Variants in ZNF831 observed in about 807,000 individuals in gnomAD.
The protein encoded by ZNF831 is zinc finger protein 831.
Under a neutral mutation model 95.8 loss-of-function variants are expected in ZNF831, and 59 were observed. The observed-to-expected ratio is 0.62, with a 90% CI of 0.50 to 0.77. ZNF831 has a LOEUF of 0.77. Among genes scored for constraint, ZNF831 ranks in the 30% least tolerant of loss-of-function variants. The probability of loss-of-function intolerance (pLI) is 0.00; values close to 1 mark genes in which losing one functional copy is unlikely to be tolerated. For synonymous variants in ZNF831, 961 were observed against 925.5 expected (o/e 1.04, Z -0.70); for missense variants, 2,205 against 2,164.0 (o/e 1.02, Z -0.38).
In ZNF831 at chr20:59,193,971, G is replaced by C. The variant is rs2146592197; in HGVS notation, c.2952G>C (p.Leu984=). ...EERASFVGSG[L]GTPLSPSPAS... ...GGGCATCATTTGTTGGGTCAGGACT[G>C]GGGACCCCTCTTTCTCCCAGCCCAG... Residue 984 remains leucine, a synonymous_variant, in exon 2 of 6, where the codon CTG becomes CTC. Coordinates refer to ENST00000371030, the MANE Select transcript of ZNF831 (RefSeq NM_178457.3). 6.5e-7 allele frequency: 1 copy of C among 1,546,150 alleles called. No individual in the cohort carries two copies.
chr20:59,229,272 A>G (rs1568783494), intron 4 of ZNF831, among the ~76,000 whole-genome samples: 1 of 152,126 alleles, frequency 6.6e-6, no homozygotes, highest in Non-Finnish European at 1.5e-5. Flanking sequence ...TAAACATGGG[A>G]GTGCAACTAT....
rs952578281 is a variant in ZNF831 at position 59,208,104 on chromosome 20, G to T, written c.4027+1048G>T. 6.6e-6 allele frequency among the ~76,000 whole-genome samples: 1 copy of T among 152,262 alleles called. No individual in the cohort carries two copies. Among genetic ancestry groups the T allele is most frequent in the Non-Finnish European group, 1.5e-5 (1 of 68,054 alleles). ...ACAGTTGGGGCCAGTTGTTGAAGAA[G>T]AAAGGTTGTTTTTGTTAAGGAAGGT... On this transcript the variant is annotated intron_variant, in intron 4 of 5. Coordinates refer to ENST00000371030, the MANE Select transcript of ZNF831 (RefSeq NM_178457.3). The surrounding 1 kb of genome is among the most constrained non-coding windows in gnomAD (Gnocchi z 4.2).
intron 1 of ZNF831, among the ~76,000 whole-genome samples, chr20:59,168,587 T>A (rs1178862263): frequency 6.6e-6 from 1 of 152,082 alleles, no homozygotes; most frequent in African/African-American, 2.4e-5. Flanking sequence ...TTTGTATTTC[T>A]TTCTTGCTTT....
At chr20:59,162,112 TG>T (rs1185156172), upstream of ZNF831, among the ~76,000 whole-genome samples, 1 of 152,156 alleles carries the variant, frequency 6.6e-6, no homozygotes, top group Non-Finnish European at 1.5e-5. Context: ...TTAATGGTTT[TG>T]TTGTTGTTTG....
chr20:59,182,459 T>C (rs2146521467), intron 1 of ZNF831, among the ~76,000 whole-genome samples: 2 of 152,232 alleles, frequency 1.3e-5, no homozygotes, highest in Middle Eastern at 6.8e-3. Flanking sequence ...AGGGGGTAAG[T>C]GGCAAAACCA....
intron 4 of ZNF831, among the ~76,000 whole-genome samples, chr20:59,220,950 G>C (rs1182323500): frequency 6.6e-6 from 1 of 152,126 alleles, no homozygotes; most frequent in Non-Finnish European, 1.5e-5. Context: ...TGTAGAATGG[G>C]GCTGGAGTTT....
chr20:59,213,232 G>A (rs572623111), intron 4 of ZNF831, among the ~76,000 whole-genome samples: 138 of 152,236 alleles, frequency 9.1e-4, no homozygotes, highest in African/African-American at 3.1e-3. Flanking sequence ...ACTTGACTAC[G>A]TTTTGTTGAT....
chr20:59,142,411 C>G (rs984956243), intron 1 of ZNF831, among the ~76,000 whole-genome samples: 5 of 152,188 alleles, frequency 3.3e-5, no homozygotes, highest in African/African-American at 1.2e-4. Flanking sequence ...CTTCTTTCCT[C>G]CGTGAAAGGC....
At chr20:59,196,607 C>A (rs945250047) in intron 3 of ZNF831, among the ~76,000 whole-genome samples, 1 of 152,166 alleles carries the variant, frequency 6.6e-6, no homozygotes, top group Non-Finnish European at 1.5e-5. Flanking sequence ...AAAGCGAATT[C>A]TCTAACCCCT....
At chr20:59,130,960 G>T (rs1239900597) in intron 1 of ZNF831, among the ~76,000 whole-genome samples, 1 of 152,152 alleles carries the variant, frequency 6.6e-6, no homozygotes, top group Non-Finnish European at 1.5e-5. Context: ...TATCACAGCT[G>T]GTTGTGAGGC....
At chr20:59,206,363 C>T (rs966811127) in intron 3 of ZNF831, among the ~76,000 whole-genome samples, 1 of 152,198 alleles carries the variant, frequency 6.6e-6, no homozygotes, top group Non-Finnish European at 1.5e-5. Context: ...TAGGGCTCCT[C>T]CAGATGGAAG....
At chr20:59,253,244 C>T (rs1987996369) in intron 5 of ZNF831, 106 bp downstream of exon 5, 26 of 1,271,948 alleles carry the variant, frequency 2.0e-5, no homozygotes, top group Non-Finnish European at 2.5e-5. Flanking sequence ...GCTCGGATCA[C>T]CTTATGAAGA....
intron 2 of ZNF831, among the ~76,000 whole-genome samples, chr20:59,153,214 C>T (rs6026729): frequency 0.1 from 15,293 of 152,270 alleles, 837 homozygotes; most frequent in Non-Finnish European, 0.12. Context: ...CCCTTGCTGC[C>T]GAGCACACGT....
chr20:59,186,621 G>A (rs551723747), intron 1 of ZNF831, among the ~76,000 whole-genome samples: 1 of 152,276 alleles, frequency 6.6e-6, no homozygotes, highest in African/African-American at 2.4e-5. Context: ...TGGTCTCCTG[G>A]GGAGGTTCCT....
intron 4 of ZNF831, among the ~76,000 whole-genome samples, chr20:59,245,487 A>G (rs570593280): frequency 6.6e-6 from 1 of 152,242 alleles, no homozygotes; most frequent in South Asian, 2.1e-4. Flanking sequence ...AGGGTTTCTC[A>G]ACCTGGGCAC....
At chr20:59,205,512 C>A (rs867548568) in intron 3 of ZNF831, among the ~76,000 whole-genome samples, 6 of 152,168 alleles carry the variant, frequency 3.9e-5, no homozygotes, top group African/African-American at 1.4e-4. Context: ...AAAAGATGAA[C>A]AAAATGTCAC....
intron 2 of ZNF831, among the ~76,000 whole-genome samples, chr20:59,147,355 C>T (rs1310865160): frequency 2.0e-5 from 3 of 152,222 alleles, no homozygotes; most frequent in Non-Finnish European, 2.9e-5. Context: ...GGTACCAGCC[C>T]TTCTTAATGG....
chr20:59,220,093 T>C (rs1343199555), intron 4 of ZNF831, among the ~76,000 whole-genome samples: 2 of 152,206 alleles, frequency 1.3e-5, no homozygotes, highest in Non-Finnish European at 2.9e-5. Context: ...TTTGAAAGAC[T>C]TTCTGAAAAC....
intron 4 of ZNF831, among the ~76,000 whole-genome samples, chr20:59,233,119 G>C (rs940446250): frequency 2.6e-5 from 4 of 152,068 alleles, no homozygotes; most frequent in Non-Finnish European, 5.9e-5. Context: ...GGTGTTGGCA[G>C]AGGCAGGATT....
Sources: gnomAD v4.1 joint callset for allele counts (sites outside exome capture counted in the v4.1 genomes callset) on GRCh38, gnomAD v4.1.1 for gene constraint, Gnocchi (gnomAD v3.1) non-coding constraint, MANE v1.5 for transcripts, NCBI Gene and HGNC (gene_info 2026-07-23, HGNC 2026-07-21) for gene names.